The following ACSM3 variants were observed in gnomAD, a reference collection of about 807,000 sequenced individuals.
ACSM3 encodes the protein acyl-CoA synthetase medium chain family member 3.
In ACSM3, 61 loss-of-function variants were observed where a neutral mutation model predicts 74.1. The observed-to-expected ratio is 0.82, with a 90% confidence interval of 0.67 to 1.02. The LOEUF (loss-of-function observed/expected upper bound fraction) is 1.02, where lower values mean the gene tolerates loss of function less well. Among genes scored for constraint, ACSM3 ranks in the 50% least tolerant of loss-of-function variants. The pLI is 0.00. For synonymous variants in ACSM3, 213 were observed against 241.5 expected, an observed-to-expected ratio of 0.88 and a Z score of 1.09; for missense variants, 660 against 697.0, an observed-to-expected ratio of 0.95 and a Z score of 0.60.
At chr16:20,717,615 C>T (rs909638188) in intron 1 of ACSM3, among the ~76,000 whole-genome samples, 4 of 152,038 alleles carry the variant, frequency 2.6e-5, no homozygotes, top group Admixed American at 2.6e-4. Context: ...ACAAGATGTC[C>T]TTTAAATAAT....
intron 2 of ACSM3, among the ~76,000 whole-genome samples, chr16:20,772,928 T>C (rs1032441777): frequency 3.3e-5 from 5 of 151,158 alleles, no homozygotes; most frequent in African/African-American, 1.2e-4. Flanking sequence ...GATCACACCA[T>C]TGCACTCCAG....
chr16:20,777,356 C>A lies in ACSM3; in HGVS notation c.431-17C>A, dbSNP rs1188880846. 1 of 1,604,484 alleles carries A rather than the reference C, an allele frequency of 6.2e-7. No homozygotes were observed. Among genetic ancestry groups the A allele is most frequent in the Non-Finnish European group, 8.5e-7 (1 of 1,172,730 alleles). ...ATAACATTTCTTCTAAACACTGTTT[C>A]TTTTCTGCCCCTTTAGGGACAGTTT... On this transcript the variant is annotated splice_polypyrimidine_tract_variant and intron_variant, in intron 3 of 13. Coordinates refer to ENST00000289416, the MANE Select transcript of ACSM3 (RefSeq NM_005622.4).
chr16:20,713,193 G>T (rs2079749743), intron 1 of ACSM3, among the ~76,000 whole-genome samples: 1 of 152,092 alleles, frequency 6.6e-6, no homozygotes, highest in South Asian at 2.1e-4. Flanking sequence ...TGGGGTTGTA[G>T]GAGAATCAAA....
chr16:20,774,483 C>T (rs1488554159), intron 2 of ACSM3, among the ~76,000 whole-genome samples: 5 of 152,116 alleles, frequency 3.3e-5, no homozygotes, highest in African/African-American at 1.2e-4. Context: ...CTTCGTGATC[C>T]GCCCGCCTTG....
intron 1 of ACSM3, among the ~76,000 whole-genome samples, chr16:20,727,062 T>C (rs1168359802): frequency 6.6e-6 from 1 of 152,214 alleles, no homozygotes; most frequent in African/African-American, 2.4e-5. Context: ...GTATCATTAA[T>C]AGCATTTTCT....
intron 1 of ACSM3, among the ~76,000 whole-genome samples, 169 bp downstream of exon 1, chr16:20,764,294 T>TGA (rs1427054205): frequency 1.3e-5 from 2 of 152,238 alleles, no homozygotes; most frequent in African/African-American, 4.8e-5. Context: ...ATACTATCTA[T>TGA]TAAGTGATGA....
intron 1 of ACSM3, chr16:20,721,819 G>A (rs993669814): frequency 2.0e-5 from 3 of 152,198 alleles, no homozygotes; most frequent in Non-Finnish European, 4.4e-5. Flanking sequence ...ATCGTCAGCT[G>A]ATTAGTAGGA....
intron 1 of ACSM3, chr16:20,741,481 G>GGGGGGGGGGGGGGGGCCC: frequency 1.5e-6 from 2 of 1,308,414 alleles, no homozygotes; most frequent in Non-Finnish European, 2.0e-6. Flanking sequence ...CTGGCAGCCG[G>GGGGGGGGGGGGGGGGCCC]CCCGCCCGCC....
rs369139443 is a variant in ACSM3, at chr16:20,685,309, C to T, written c.-190+10487C>T. On this transcript the variant is annotated intron_variant, in intron 1 of 3. Coordinates refer to the ACSM3 transcript ENST00000561584. ...CTGTGTGAAGACGTTGGCTACACGGCGGGTTAGGTCTCCCATCTCTCTGAA... is the reference window on the plus strand; with the variant it reads ...CTGTGTGAAGACGTTGGCTACACGGTGGGTTAGGTCTCCCATCTCTCTGAA... 5.1e-5 allele frequency: 83 copies of T among 1,614,074 alleles called. No individual in the cohort carries two copies. The highest frequency in any genetic ancestry group is 6.6e-5 in the Non-Finnish European group (78 of 1,180,028).
At position 20,754,495 on chromosome 16, in the gene ACSM3, A is replaced by G. The variant is rs921951467; in HGVS notation, c.-95-1078A>G. Among the ~76,000 whole-genome samples, 54 of 152,202 alleles carry G rather than the reference A, an allele frequency of 3.5e-4. 1 individual carries two copies. Among genetic ancestry groups the G allele is most frequent in the Admixed American group, 3.5e-3 (54 of 15,276 alleles). Reference sequence around the variant, plus strand: ...AGTATATTGTCTTGAACTTCCCACCAGAACAGTGCAAATAAGGCAATTGTT... The same window carrying G: ...AGTATATTGTCTTGAACTTCCCACCGGAACAGTGCAAATAAGGCAATTGTT... On this transcript the variant is annotated intron_variant, in intron 2 of 3. Coordinates refer to the ACSM3 transcript ENST00000561584.
intron 7 of ACSM3, among the ~76,000 whole-genome samples, chr16:20,783,792 C>T (rs1198264826): frequency 1.4e-5 from 2 of 146,676 alleles, no homozygotes; most frequent in Non-Finnish European, 3.0e-5. Context: ...AACTGATACA[C>T]ATGTGTTCTC....
intron 1 of ACSM3, among the ~76,000 whole-genome samples, chr16:20,675,321 A>G (rs2020207401): frequency 6.6e-6 from 1 of 152,106 alleles, no homozygotes; most frequent in Non-Finnish European, 1.5e-5. Context: ...TAATGTGGGG[A>G]GGCACAGATC....
chr16:20,739,059 C>T, intron 1 of ACSM3: 1 of 1,614,176 alleles, frequency 6.2e-7, no homozygotes, highest in Non-Finnish European at 8.5e-7. Context: ...GGCTGCTGAT[C>T]CTTGTCTGTA....
chr16:20,716,008 C>A (rs2079760319), intron 1 of ACSM3, among the ~76,000 whole-genome samples: 1 of 151,650 alleles, frequency 6.6e-6, no homozygotes, highest in Admixed American at 6.6e-5. Flanking sequence ...CTCTCTCCAG[C>A]AGGACAGTCT....
At chr16:20,682,329 G>A (rs2079463066) in intron 1 of ACSM3, 1 of 1,613,996 alleles carries the variant, frequency 6.2e-7, no homozygotes, top group Non-Finnish European at 8.5e-7. Flanking sequence ...TTCAGAGAGG[G>A]GCACTGAGAA....
chr16:20,780,661 A>G, intron 4 of ACSM3, 53 bp from the exon 5 acceptor site: 1 of 1,614,160 alleles, frequency 6.2e-7, no homozygotes, highest in East Asian at 2.2e-5. Context: ...TTCAGTGGTA[A>G]CAGTCTGTGA....
intron 1 of ACSM3, among the ~76,000 whole-genome samples, chr16:20,740,072 T>C (rs2079903955): frequency 6.6e-6 from 1 of 152,072 alleles, no homozygotes; most frequent in African/African-American, 2.4e-5. Flanking sequence ...CTTGTTCTAT[T>C]AAGGAACAAG....
rs1359317023 is a variant in ACSM3 at position 20,777,588 on chromosome 16, G to A, written c.638+8G>A. 1 of 1,607,892 alleles carries A rather than the reference G, an allele frequency of 6.2e-7. No homozygotes were observed. Among genetic ancestry groups the A allele is most frequent in the Admixed American group, 1.7e-5 (1 of 59,872 alleles). On this transcript the variant is annotated splice_region_variant and intron_variant, in intron 4 of 13. Transcript: ENST00000289416. ...CCTCAAGGAGTTGATGAAGTGAGTA[G>A]CCACACTTGTTGTAAAACAGCTTCC...
chr16:20,738,962 A>C lies in ACSM3; in HGVS notation c.-189-10948A>C, dbSNP rs1470272788. The stretch of plus-strand genomic sequence containing the variant: ...ACTTTCCACTGACTGGAATCTTCTT[A>C]ACCTCATCTCTGTAGATGCCTTAAT... On this transcript the variant is annotated intron_variant, in intron 1 of 3. Coordinates refer to the ACSM3 transcript ENST00000561584. The C allele has an allele frequency of 1.1e-5, 17 of 1,614,066 alleles. No homozygotes were observed. The highest frequency in any genetic ancestry group is 1.4e-5 in the Non-Finnish European group (17 of 1,180,034).
Sources: gnomAD v4.1 joint callset for allele counts (sites outside exome capture counted in the v4.1 genomes callset) on GRCh38, gnomAD v4.1.1 for gene constraint, MANE v1.5 for transcripts, NCBI Gene and HGNC (gene_info 2026-07-23, HGNC 2026-07-21) for gene names.